HS6ST3: variants seen among roughly 807,000 people sequenced by gnomAD.
HS6ST3 encodes the protein heparan-sulfate 6-O-sulfotransferase 3.
A neutral mutation model predicts 36.7 loss-of-function variants in HS6ST3; 12 were observed. The ratio of observed to expected loss-of-function variants is 0.33; its 90% CI spans 0.21 to 0.53. The LOEUF is 0.53. HS6ST3 is among the 20% of genes least tolerant of loss of function. The pLI is 0.95. For missense variants in HS6ST3, 584 were observed against 640.9 expected (o/e 0.91, Z 0.96); for synonymous variants, 240 against 257.5 (o/e 0.93, Z 0.65).
At chr13:96,645,202 A>G (rs557570995) in intron 1 of HS6ST3, among the ~76,000 whole-genome samples, 1 of 151,998 alleles carries the variant, frequency 6.6e-6, no homozygotes, top group South Asian at 2.1e-4. Context: ...GTTTAGCACA[A>G]TCTTGGGTAT....
chr13:96,662,645 C>A (rs536950156), intron 1 of HS6ST3, among the ~76,000 whole-genome samples: 2 of 151,946 alleles, frequency 1.3e-5, no homozygotes, highest in Non-Finnish European at 2.9e-5. Context: ...CAGTTAGGAT[C>A]CATTGCTAGA....
intron 1 of HS6ST3, among the ~76,000 whole-genome samples, chr13:96,261,364 G>A (rs1019821481): frequency 2.2e-4 from 34 of 151,528 alleles, no homozygotes; most frequent in African/African-American, 7.8e-4. Flanking sequence ...TGATAGGCTT[G>A]AAGTGGTTGG....
chr13:96,553,720 G>T (rs2138950242), intron 1 of HS6ST3, among the ~76,000 whole-genome samples: 1 of 152,326 alleles, frequency 6.6e-6, no homozygotes, highest in Non-Finnish European at 1.5e-5. Flanking sequence ...AGCTTCAGGT[G>T]GTAGTTCCAG....
At chr13:96,744,853 TG>T (rs1463392170) in intron 1 of HS6ST3, among the ~76,000 whole-genome samples, 2 of 152,122 alleles carry the variant, frequency 1.3e-5, no homozygotes, top group East Asian at 3.8e-4. Flanking sequence ...CATTTTTACC[TG>T]GGTTCTTTCT....
At chr13:96,416,426 T>G (rs2055533306) in intron 1 of HS6ST3, among the ~76,000 whole-genome samples, 1 of 152,228 alleles carries the variant, frequency 6.6e-6, no homozygotes, top group Non-Finnish European at 1.5e-5. Flanking sequence ...TTGCAATCAC[T>G]AAGCATAGGG....
chr13:96,769,734 CTGTG>C (rs66777701), intron 1 of HS6ST3, among the ~76,000 whole-genome samples: 34,879 of 139,968 alleles, frequency 0.25, 4,829 homozygotes, highest in South Asian at 0.34. Context: ...ATTCCTAGCT[CTGTG>C]TGTGTGTGTG....
At chr13:96,712,658 A>G (rs528289190) in intron 1 of HS6ST3, among the ~76,000 whole-genome samples, 4 of 152,266 alleles carry the variant, frequency 2.6e-5, no homozygotes, top group South Asian at 2.1e-4. Flanking sequence ...ACTCAATTTC[A>G]TATGTCGATA....
chr13:96,755,749 C>T (rs149874959), intron 1 of HS6ST3, among the ~76,000 whole-genome samples: 54 of 152,266 alleles, frequency 3.5e-4, no homozygotes, highest in African/African-American at 1.3e-3. Flanking sequence ...TACTAATAGA[C>T]TTTTGGGTTT....
chr13:96,574,186 G>T, intron 1 of HS6ST3: 1 of 519,450 alleles, frequency 1.9e-6, no homozygotes, highest in Non-Finnish European at 3.9e-6. Context: ...GGCTGCGTAA[G>T]CTTTTCTGCT....
At chr13:96,647,301 A>T (rs1174560813) in intron 1 of HS6ST3, among the ~76,000 whole-genome samples, 5 of 152,076 alleles carry the variant, frequency 3.3e-5, no homozygotes, top group Non-Finnish European at 7.4e-5. Context: ...ATCTAAATAG[A>T]ACTTTAAAAA....
At chr13:96,512,405 G>A (rs1015374972) in intron 1 of HS6ST3, among the ~76,000 whole-genome samples, 5 of 152,166 alleles carry the variant, frequency 3.3e-5, no homozygotes, top group Non-Finnish European at 7.3e-5. Flanking sequence ...GTTTTAGGAT[G>A]AGTTTATCAA....
chr13:96,687,388 ATTAC>A (rs1274737359), intron 1 of HS6ST3, among the ~76,000 whole-genome samples: 1 of 152,000 alleles, frequency 6.6e-6, no homozygotes, highest in Non-Finnish European at 1.5e-5. Flanking sequence ...CTGAAAGTCA[ATTAC>A]TTTGAATTTG....
chr13:96,614,175 G>A (rs543139094), intron 1 of HS6ST3, among the ~76,000 whole-genome samples: 1 of 151,818 alleles, frequency 6.6e-6, no homozygotes, highest in Admixed American at 6.6e-5. Context: ...ATGGGCGCCT[G>A]TAGTCCCAGC....
intron 1 of HS6ST3, among the ~76,000 whole-genome samples, chr13:96,700,109 C>T (rs1875245561): frequency 1.3e-5 from 2 of 152,222 alleles, no homozygotes; most frequent in South Asian, 2.1e-4. Flanking sequence ...CTGTATTAGT[C>T]CATTTTCACA....
chr13:96,290,258 G>A (rs2054823133), intron 1 of HS6ST3, among the ~76,000 whole-genome samples: 1 of 152,092 alleles, frequency 6.6e-6, no homozygotes, highest in South Asian at 2.1e-4. Context: ...CATAGCAGGG[G>A]CCAAGGGGGA....
At chr13:96,295,489 T>C (rs1285279584) in intron 1 of HS6ST3, among the ~76,000 whole-genome samples, 1 of 152,114 alleles carries the variant, frequency 6.6e-6, no homozygotes, top group Admixed American at 6.6e-5. Context: ...GGCTGAGGGT[T>C]CTCCCCACTG....
chr13:96,512,832 AG>A (rs2056055876), intron 1 of HS6ST3, among the ~76,000 whole-genome samples: 2 of 151,932 alleles, frequency 1.3e-5, no homozygotes, highest in Admixed American at 1.3e-4. Context: ...TAAATAATAA[AG>A]GTTGTTTTTT....
chr13:96,429,433 T>C (rs943768722), intron 1 of HS6ST3, among the ~76,000 whole-genome samples: 2 of 152,210 alleles, frequency 1.3e-5, no homozygotes, highest in African/African-American at 2.4e-5. Flanking sequence ...AACAGTCTCA[T>C]TTTTGGGGGA....
intron 1 of HS6ST3, among the ~76,000 whole-genome samples, chr13:96,497,726 T>G (rs1234439055): frequency 2.0e-5 from 3 of 152,176 alleles, no homozygotes; most frequent in African/African-American, 7.2e-5. Flanking sequence ...GAGTGAGGCT[T>G]CAGAACTGGT....
Sources: gnomAD v4.1 joint callset for allele counts (sites outside exome capture counted in the v4.1 genomes callset) on GRCh38, gnomAD v4.1.1 for gene constraint, MANE v1.5 for transcripts, NCBI Gene and HGNC (gene_info 2026-07-23, HGNC 2026-07-21) for gene names.